Variants in MVB12B observed in about 807,000 individuals in gnomAD.
The protein encoded by MVB12B is multivesicular body subunit 12B, also known as ESCRT-I complex subunit MVB12B.
MVB12B carries 16 observed loss-of-function variants against 41.6 expected under a neutral mutation model. That is an observed-to-expected ratio of 0.38 (90% CI 0.26 to 0.58). The LOEUF is 0.58. Ranked by LOEUF, MVB12B falls within the 20% of genes least tolerant of loss-of-function variation. MVB12B has a pLI of 0.62. For synonymous variants in MVB12B, 133 were observed against 139.7 expected (o/e 0.95, Z 0.34); for missense variants, 274 against 380.2 (o/e 0.72, Z 2.32).
At position 126,421,824 on chromosome 9, in the gene MVB12B, T is replaced by C. The variant is rs767571823; in HGVS notation, c.663-30T>C. On this transcript the variant is annotated intron_variant, in intron 6 of 9. Coordinates refer to ENST00000361171, the MANE Select transcript of MVB12B (RefSeq NM_033446.3). Reference sequence around the variant, plus strand: ...GAGTCTTGGGGAATGCTCCTTGTAATCTCCTTTCTCTCGTCCTTCTCTTCC... The same window carrying C: ...GAGTCTTGGGGAATGCTCCTTGTAACCTCCTTTCTCTCGTCCTTCTCTTCC... 5 of 1,549,740 alleles carry C rather than the reference T, an allele frequency of 3.2e-6. No individual in the cohort carries two copies. In the South Asian group the frequency reaches 5.6e-5, roughly 17 times the overall value.
intron 1 of MVB12B, among the ~76,000 whole-genome samples, chr9:126,338,058 C>T (rs188400393): frequency 1.8e-4 from 28 of 152,310 alleles, no homozygotes; most frequent in African/African-American, 6.5e-4. Flanking sequence ...ATATCTTGGG[C>T]GTTTCTCATT....
At chr9:126,502,565 C>T (rs1004771746) in intron 9 of MVB12B, among the ~76,000 whole-genome samples, 6 of 152,260 alleles carry the variant, frequency 3.9e-5, no homozygotes, top group South Asian at 2.1e-4. Context: ...GCCCTGGCCC[C>T]GCTGTGGCCT....
rs540449055 is a variant in MVB12B, at chr9:126,447,273, A to G, written c.757+25325A>G. Among the ~76,000 whole-genome samples, 7 of 139,220 alleles carry G rather than the reference A, an allele frequency of 5.0e-5. No homozygotes were observed. The East Asian group carries it at 1.5e-3, about 29-fold the overall frequency. The allele number at this position is 139,220 out of a possible 152,430, so 91.3% of individuals were successfully genotyped here. A position where few individuals can be genotyped will look rare whatever the true frequency, so the allele number is the denominator to read the frequency against. ...CCTTTTTTTTTTTTTTTAACTTTCT[A>G]TTTATTTTAGCTTTTTTAATAGCTT... On this transcript the variant is annotated intron_variant, in intron 7 of 9. Transcript: ENST00000361171.
chr9:126,402,847 A>T (rs1451334822), intron 6 of MVB12B, among the ~76,000 whole-genome samples: 1 of 152,200 alleles, frequency 6.6e-6, no homozygotes, highest in Non-Finnish European at 1.5e-5. Flanking sequence ...ATACATTTTC[A>T]TTGTCTTTTA....
At chr9:126,482,035 C>T (rs150353390) in intron 8 of MVB12B, among the ~76,000 whole-genome samples, 54 of 152,368 alleles carry the variant, frequency 3.5e-4, no homozygotes, top group African/African-American at 1.2e-3. Context: ...AGGCCAGGCT[C>T]ACGCCATCTT....
At chr9:126,369,770 C>T (rs1830285510) in intron 2 of MVB12B, among the ~76,000 whole-genome samples, 1 of 152,190 alleles carries the variant, frequency 6.6e-6, no homozygotes, top group Non-Finnish European at 1.5e-5. Context: ...TCTTCTGCCT[C>T]AGCCTCCCGA....
chr9:126,372,881 C>G (rs1418307105), intron 2 of MVB12B, among the ~76,000 whole-genome samples: 1 of 152,022 alleles, frequency 6.6e-6, no homozygotes, highest in Non-Finnish European at 1.5e-5. Context: ...AAGACAGATG[C>G]GAGAGGGAGC....
intron 9 of MVB12B, among the ~76,000 whole-genome samples, chr9:126,491,481 C>T (rs1218673255): frequency 6.6e-6 from 1 of 152,152 alleles, no homozygotes; most frequent in Non-Finnish European, 1.5e-5. Flanking sequence ...CCCTTTGCAC[C>T]ATCTAGTGGT....
intron 2 of MVB12B, among the ~76,000 whole-genome samples, chr9:126,374,355 A>G (rs1830422293): frequency 6.6e-6 from 1 of 152,236 alleles, no homozygotes; most frequent in Non-Finnish European, 1.5e-5. Context: ...ATTTAACCTC[A>G]GCGGTCTCTT....
chr9:126,434,811 T>G (rs1163337885), intron 7 of MVB12B, among the ~76,000 whole-genome samples: 1 of 152,208 alleles, frequency 6.6e-6, no homozygotes, highest in Middle Eastern at 3.2e-3. Flanking sequence ...GCCATTTGCT[T>G]GGTTTCCGAG....
chr9:126,413,244 C>G (rs971620176), intron 6 of MVB12B, among the ~76,000 whole-genome samples: 3 of 152,150 alleles, frequency 2.0e-5, no homozygotes, highest in African/African-American at 7.2e-5. Flanking sequence ...GTGTAATTGG[C>G]CCCATCAGCA....
chr9:126,345,939 A>T (rs1301585897), intron 2 of MVB12B, among the ~76,000 whole-genome samples: 1 of 152,182 alleles, frequency 6.6e-6, no homozygotes, highest in Non-Finnish European at 1.5e-5. Flanking sequence ...ACAAATGTTT[A>T]TTGGCCACTT....
chr9:126,478,005 C>A lies in MVB12B; in HGVS notation c.758-3364C>A, dbSNP rs1227961810. 6.6e-6 allele frequency among the ~76,000 whole-genome samples: 1 copy of A among 152,158 alleles called. No individual in the cohort carries two copies. Among genetic ancestry groups the A allele is most frequent in the African/African-American group, 2.4e-5 (1 of 41,432 alleles). ...AGTTGGAAGGAGAAAGAAACACACG[C>A]TCCTTGTGGGAGCAGGGAGAAACTG... On this transcript the variant is annotated intron_variant, in intron 7 of 9. Transcript: ENST00000361171. The surrounding 1 kb of genome is among the most constrained non-coding windows in gnomAD (Gnocchi z 4.2).
At chr9:126,475,892 C>T (rs1013195621) in intron 7 of MVB12B, among the ~76,000 whole-genome samples, 3 of 152,188 alleles carry the variant, frequency 2.0e-5, no homozygotes, top group Admixed American at 2.0e-4. Context: ...TCTAGAAGAA[C>T]ATAGGGAGCA....
chr9:126,444,291 G>A (rs555643839), intron 7 of MVB12B, among the ~76,000 whole-genome samples: 1 of 151,960 alleles, frequency 6.6e-6, no homozygotes, highest in South Asian at 2.1e-4. Flanking sequence ...ATTGTCCCCC[G>A]TAATGGTTGA....
intron 3 of MVB12B, among the ~76,000 whole-genome samples, chr9:126,383,278 A>G (rs1056916268): frequency 5.9e-5 from 9 of 152,312 alleles, no homozygotes; most frequent in Middle Eastern, 3.4e-3. Context: ...GAGACTCCCA[A>G]TGTAGGAGTT....
intron 9 of MVB12B, among the ~76,000 whole-genome samples, chr9:126,488,931 G>A (rs1833676305): frequency 6.6e-6 from 1 of 152,180 alleles, no homozygotes; most frequent in Non-Finnish European, 1.5e-5. Context: ...GGAGGTTAGG[G>A]ACATGGGCAG....
At chr9:126,502,538 C>A (rs199957712) in intron 9 of MVB12B, among the ~76,000 whole-genome samples, 12 of 144,702 alleles carry the variant, frequency 8.3e-5, no homozygotes, top group Admixed American at 3.3e-4. Context: ...GGAGGAAGGT[C>A]CCCCCACCGG....
At chr9:126,417,346 C>T (rs1367623039) in intron 6 of MVB12B, among the ~76,000 whole-genome samples, 2 of 152,234 alleles carry the variant, frequency 1.3e-5, no homozygotes, top group African/African-American at 4.8e-5. Flanking sequence ...TTTGCTGCAT[C>T]AGGCACACAT....
Sources: gnomAD v4.1 joint callset for allele counts (sites outside exome capture counted in the v4.1 genomes callset) on GRCh38, gnomAD v4.1.1 for gene constraint, Gnocchi (gnomAD v3.1) non-coding constraint, MANE v1.5 for transcripts, NCBI Gene and HGNC (gene_info 2026-07-23, HGNC 2026-07-21) for gene names.